Variants in FHIT observed in about 807,000 individuals in gnomAD.
FHIT encodes the protein fragile histidine triad diadenosine triphosphatase, also known as bis(5'-adenosyl)-triphosphatase.
Under a neutral mutation model 17.9 loss-of-function variants are expected in FHIT, and 19 were observed. That is an observed-to-expected ratio of 1.06 (90% CI 0.74 to 1.56). The LOEUF (loss-of-function observed/expected upper bound fraction) is 1.56. FHIT is among the 40% of genes most tolerant of loss of function. The pLI, the probability that FHIT is intolerant of heterozygous loss-of-function variation, is 0.00. For missense variants in FHIT, 248 were observed against 189.2 expected (o/e 1.31, Z -1.82); for synonymous variants, 81 against 69.7 (o/e 1.16, Z -0.81).
At chr3:61,058,717 T>A (rs894748211) in intron 2 of FHIT, among the ~76,000 whole-genome samples, 5 of 152,228 alleles carry the variant, frequency 3.3e-5, no homozygotes, top group African/African-American at 1.2e-4. Context: ...CTTTTCTTTA[T>A]AAATTTCTCA....
At chr3:59,834,432 GAGAC>G (rs1190218380) in intron 8 of FHIT, among the ~76,000 whole-genome samples, 4 of 152,254 alleles carry the variant, frequency 2.6e-5, no homozygotes, top group African/African-American at 9.6e-5. Flanking sequence ...GAGAGACAGA[GAGAC>G]AGACAGACAC....
At chr3:61,212,189 C>A (rs909848480) in intron 1 of FHIT, among the ~76,000 whole-genome samples, 2 of 152,018 alleles carry the variant, frequency 1.3e-5, no homozygotes, top group Non-Finnish European at 2.9e-5. Flanking sequence ...AGGCTTCAGA[C>A]GATCAAACTA....
intron 5 of FHIT, among the ~76,000 whole-genome samples, chr3:60,379,378 A>C (rs1700709308): frequency 6.6e-6 from 1 of 151,432 alleles, no homozygotes; most frequent in Non-Finnish European, 1.5e-5. Context: ...TGACTGACAT[A>C]ATTATCTAGT....
intron 4 of FHIT, among the ~76,000 whole-genome samples, chr3:60,744,192 G>A (rs2042296002): frequency 7.1e-6 from 1 of 140,356 alleles, no homozygotes; most frequent in African/African-American, 2.7e-5. Context: ...GACGAAAAAC[G>A]CGTTTTCCCT....
At chr3:60,143,764 C>T (rs1700128799) in intron 5 of FHIT, among the ~76,000 whole-genome samples, 1 of 152,092 alleles carries the variant, frequency 6.6e-6, no homozygotes, top group Non-Finnish European at 1.5e-5. Context: ...AACCTTGTTA[C>T]TGTAATTTCA....
intron 4 of FHIT, among the ~76,000 whole-genome samples, chr3:60,774,779 C>T (rs567496297): frequency 6.6e-6 from 1 of 152,244 alleles, no homozygotes; most frequent in East Asian, 1.9e-4. Context: ...GCTATAATGT[C>T]ACTAACGGGC....
intron 8 of FHIT, among the ~76,000 whole-genome samples, chr3:59,844,366 G>T (rs988026278): frequency 6.6e-6 from 1 of 152,056 alleles, no homozygotes; most frequent in Non-Finnish European, 1.5e-5. Flanking sequence ...TACTTTCCTT[G>T]TTCTTGATCA....
At chr3:60,673,529 G>A (rs561126874) in intron 4 of FHIT, among the ~76,000 whole-genome samples, 1 of 152,102 alleles carries the variant, frequency 6.6e-6, no homozygotes, top group Non-Finnish European at 1.5e-5. Context: ...TGGGATGGGG[G>A]GCAGCGGTGG....
intron 2 of FHIT, among the ~76,000 whole-genome samples, chr3:61,115,225 A>G (rs1403473733): frequency 1.3e-5 from 2 of 152,192 alleles, no homozygotes; most frequent in Admixed American, 1.3e-4. Flanking sequence ...TCAGTGGATA[A>G]TTATAATTGG....
rs190248934 is a variant in FHIT at position 61,205,548 on chromosome 3, T to C, written c.-212-4883A>G. Among the ~76,000 whole-genome samples the C allele has an allele frequency of 7.5e-3, 1,150 of 152,320 alleles. 11 individuals are homozygous for C. Among genetic ancestry groups the C allele is most frequent in the Middle Eastern group, 0.014 (4 of 292 alleles). On this transcript the variant is annotated intron_variant, in intron 1 of 9. Coordinates refer to ENST00000492590, the MANE Select transcript of FHIT (RefSeq NM_002012.4). The stretch of plus-strand genomic sequence containing the variant: ...GTGAGATGGTATCTCATTGTGGTTT[T>C]GATTTGCATGTCTCTGATGGCCAGT...
intron 7 of FHIT, among the ~76,000 whole-genome samples, chr3:59,972,824 C>T (rs961404759): frequency 6.6e-6 from 1 of 152,084 alleles, no homozygotes; most frequent in African/African-American, 2.4e-5. Context: ...CCTCGAGGTT[C>T]TCTGGAAAAC....
intron 2 of FHIT, among the ~76,000 whole-genome samples, chr3:61,080,148 T>A (rs2035091499): frequency 6.6e-6 from 1 of 152,172 alleles, no homozygotes; most frequent in South Asian, 2.1e-4. Flanking sequence ...AGCCTTTTAA[T>A]AAAACCATAT....
chr3:59,929,920 T>C (rs189970972), intron 7 of FHIT, among the ~76,000 whole-genome samples: 32 of 147,844 alleles, frequency 2.2e-4, no homozygotes, highest in African/African-American at 8.0e-4. Context: ...AGGATGAGAG[T>C]GCAAGTAGTT....
At chr3:60,492,572 T>C (rs1270081418) in intron 5 of FHIT, among the ~76,000 whole-genome samples, 3 of 150,562 alleles carry the variant, frequency 2.0e-5, no homozygotes. Flanking sequence ...AATGGTGTGA[T>C]CTCGGCTCAC....
intron 4 of FHIT, among the ~76,000 whole-genome samples, chr3:60,734,886 A>C (rs1274949244): frequency 6.6e-6 from 1 of 152,210 alleles, no homozygotes; most frequent in African/African-American, 2.4e-5. Context: ...ATGACTTTGC[A>C]GGGATTGCTG....
At chr3:60,154,255 G>A (rs1446082327) in intron 5 of FHIT, among the ~76,000 whole-genome samples, 2 of 151,872 alleles carry the variant, frequency 1.3e-5, no homozygotes, top group Admixed American at 6.6e-5. Flanking sequence ...CGGCATATAT[G>A]AGTCAATAAG....
intron 5 of FHIT, among the ~76,000 whole-genome samples, chr3:60,127,695 A>G (rs886486857): frequency 6.6e-6 from 1 of 152,088 alleles, no homozygotes; most frequent in Non-Finnish European, 1.5e-5. Context: ...TCCACCTTCC[A>G]GGCTCAAGGA....
At chr3:60,593,279 C>A (rs2038152116) in intron 4 of FHIT, among the ~76,000 whole-genome samples, 1 of 151,970 alleles carries the variant, frequency 6.6e-6, no homozygotes, top group Non-Finnish European at 1.5e-5. Flanking sequence ...CTCCAACTAG[C>A]CTGCAAAAAA....
chr3:60,476,450 T>G (rs141644421), intron 5 of FHIT, among the ~76,000 whole-genome samples: 1 of 152,246 alleles, frequency 6.6e-6, no homozygotes, highest in Non-Finnish European at 1.5e-5. Flanking sequence ...GGAGTGAGAC[T>G]ACTGCAATAG....
Sources: gnomAD v4.1 joint callset for allele counts (sites outside exome capture counted in the v4.1 genomes callset) on GRCh38, gnomAD v4.1.1 for gene constraint, MANE v1.5 for transcripts, NCBI Gene and HGNC (gene_info 2026-07-23, HGNC 2026-07-21) for gene names.